CCDC3: variants seen among roughly 807,000 people sequenced by gnomAD.
CCDC3 encodes coiled-coil domain containing 3, also known as coiled-coil domain-containing protein 3.
In CCDC3, 24 loss-of-function variants were observed where a neutral mutation model predicts 21.4. That is an observed-to-expected ratio of 1.12 (90% CI 0.81 to 1.58). The LOEUF (loss-of-function observed/expected upper bound fraction) is 1.58, where lower values mean the gene tolerates loss of function less well. Among genes scored for constraint, CCDC3 ranks in the 40% most tolerant of loss-of-function variants. The pLI is 0.00. For missense variants in CCDC3, 425 were observed against 360.9 expected (o/e 1.18, Z -1.44); for synonymous variants, 186 against 166.0 (o/e 1.12, Z -0.93).
chr10:13,026,277 G>A (rs1836214342), intron 5 of CCDC3, among the ~76,000 whole-genome samples: 1 of 152,200 alleles, frequency 6.6e-6, no homozygotes, highest in Non-Finnish European at 1.5e-5. Flanking sequence ...ACTAGGCGCT[G>A]ATAATTAGGT....
At chr10:13,002,568 TAG>T (rs1835873082), upstream of CCDC3, among the ~76,000 whole-genome samples, 3 of 152,224 alleles carry the variant, frequency 2.0e-5, no homozygotes, top group Admixed American at 2.0e-4. Flanking sequence ...TTGTTTTTAG[TAG>T]AGACAGGCTA....
chr10:13,010,651 G>T (rs561606821), intron 5 of CCDC3, among the ~76,000 whole-genome samples: 1 of 152,260 alleles, frequency 6.6e-6, no homozygotes, highest in East Asian at 1.9e-4. Context: ...ATAAAGACTC[G>T]TATATGAATG....
At chr10:12,968,815 T>C (rs1589025262) in intron 2 of CCDC3, among the ~76,000 whole-genome samples, 1 of 152,148 alleles carries the variant, frequency 6.6e-6, no homozygotes, top group Non-Finnish European at 1.5e-5. Context: ...GTATCTTTTA[T>C]GTAAGCCTCA....
intron 2 of CCDC3, among the ~76,000 whole-genome samples, chr10:12,931,328 A>G (rs995181073): frequency 3.3e-5 from 5 of 152,082 alleles, no homozygotes; most frequent in Non-Finnish European, 7.4e-5. Flanking sequence ...CTAATTAACT[A>G]TTTACAATGT....
intron 3 of CCDC3, chr10:13,098,385 C>G (rs1293825309): frequency 6.6e-6 from 1 of 152,390 alleles, no homozygotes; most frequent in Non-Finnish European, 1.5e-5. Context: ...GCAATCACAG[C>G]TCATTGCAGC....
intron 4 of CCDC3, among the ~76,000 whole-genome samples, chr10:13,072,849 T>A (rs994143916): frequency 3.1e-4 from 35 of 114,278 alleles, no homozygotes; most frequent in Non-Finnish European, 5.5e-4. Flanking sequence ...CAATCATTTC[T>A]TTTCTTTTCT....
Position 12,987,203 on chromosome 10 carries a change from C to G in CCDC3, c.549+11135G>C, listed in dbSNP as rs558201357. ...AATCCTCCCATTTCCTGTGGCCCAG[C>G]AGGAGTACCCATCTTTCATGTGGGT... On this transcript the variant is annotated intron_variant, in intron 2 of 2. Transcript: ENST00000378825. 3.6e-3 allele frequency among the ~76,000 whole-genome samples: 545 copies of G among 152,316 alleles called. 3 individuals are homozygous for G. Among genetic ancestry groups the G allele is most frequent in the Admixed American group, 8.8e-3 (134 of 15,304 alleles).
intron 2 of CCDC3, among the ~76,000 whole-genome samples, chr10:12,926,156 C>A (rs1309626552): frequency 2.6e-5 from 4 of 152,180 alleles, no homozygotes; most frequent in Non-Finnish European, 5.9e-5. Context: ...GAGCAGAAAC[C>A]AAAGGATCCA....
intron 2 of CCDC3, among the ~76,000 whole-genome samples, chr10:12,919,669 T>C (rs568317420): frequency 1.2e-4 from 18 of 149,514 alleles, no homozygotes; most frequent in Non-Finnish European, 2.2e-4. Flanking sequence ...GCTGTATTCC[T>C]CTTGCAGTCG....
At chr10:13,032,698 C>T (rs1836321667) in intron 5 of CCDC3, among the ~76,000 whole-genome samples, 1 of 152,258 alleles carries the variant, frequency 6.6e-6, no homozygotes, top group Admixed American at 6.5e-5. Flanking sequence ...ACACCAATAA[C>T]AGACAAACAG....
At chr10:13,071,156 C>T (rs189199174) in intron 4 of CCDC3, among the ~76,000 whole-genome samples, 5 of 152,116 alleles carry the variant, frequency 3.3e-5, no homozygotes, top group Non-Finnish European at 5.9e-5. Context: ...AAGCCCCATG[C>T]GTCCAAATCT....
At chr10:12,984,944 T>C (rs1233447165) in intron 2 of CCDC3, among the ~76,000 whole-genome samples, 1 of 152,146 alleles carries the variant, frequency 6.6e-6, no homozygotes, top group African/African-American at 2.4e-5. Flanking sequence ...TGGGGTTTCT[T>C]TTGGGGGTTA....
At position 13,052,932 on chromosome 10, in the gene CCDC3, A is replaced by G. The variant is rs569678845; in HGVS notation, c.-269-2991T>C. ...ACTCCAGCCTGGGCAGTAGATTGAG[A>G]CTCTGTCACACACACACACACACAC... On this transcript the variant is annotated intron_variant, in intron 4 of 6. Transcript: ENST00000378839. Among the ~76,000 whole-genome samples the G allele has an allele frequency of 2.0e-4, 28 of 143,578 alleles. No individual in the cohort carries two copies. In the South Asian group the frequency reaches 2.1e-3, roughly 11 times the overall value. 94.2% of individuals were successfully genotyped at this position (143,578 alleles called of 152,430 possible). A position where few individuals can be genotyped will look rare whatever the true frequency, so the allele number is the denominator to read the frequency against.
chr10:12,995,126 C>T (rs1314088701), intron 2 of CCDC3, among the ~76,000 whole-genome samples: 1 of 150,814 alleles, frequency 6.6e-6, no homozygotes, highest in Non-Finnish European at 1.5e-5. Flanking sequence ...CAATAATTCA[C>T]AACTATTTTA....
chr10:12,990,767 A>G (rs1020109493), intron 2 of CCDC3, among the ~76,000 whole-genome samples: 1 of 152,194 alleles, frequency 6.6e-6, no homozygotes, highest in Non-Finnish European at 1.5e-5. Context: ...ACATGGTAAA[A>G]CTACTATTTT....
chr10:12,912,889 G>C (rs1293385375), intron 2 of CCDC3, among the ~76,000 whole-genome samples: 1 of 152,118 alleles, frequency 6.6e-6, no homozygotes, highest in Non-Finnish European at 1.5e-5. Context: ...TGCATGTCTT[G>C]GCATCTCTGT....
At chr10:12,996,662 C>G (rs1835766138) in intron 2 of CCDC3, among the ~76,000 whole-genome samples, 1 of 152,168 alleles carries the variant, frequency 6.6e-6, no homozygotes, top group Non-Finnish European at 1.5e-5. Flanking sequence ...GACGTACCAG[C>G]CCTTCACAGG....
intron 4 of CCDC3, among the ~76,000 whole-genome samples, chr10:13,065,612 C>G (rs1467014980): frequency 1.3e-5 from 2 of 152,304 alleles, no homozygotes; most frequent in Non-Finnish European, 2.9e-5. Context: ...TCCTTCTCTT[C>G]GATATCCTGC....
intron 3 of CCDC3, among the ~76,000 whole-genome samples, chr10:13,085,662 A>G (rs1837093043): frequency 2.0e-5 from 3 of 152,158 alleles, no homozygotes; most frequent in Admixed American, 1.3e-4. Context: ...TCCATAAAAC[A>G]TCAGAAATTC....
Sources: allele counts gnomAD v4.1 joint callset (sites outside exome capture counted in the v4.1 genomes callset), GRCh38; gene constraint gnomAD v4.1.1; transcripts MANE v1.5; gene names NCBI Gene and HGNC (gene_info 2026-07-23, HGNC 2026-07-21).